Variants in GDPD5 observed in about 807,000 individuals in gnomAD.
GDPD5 encodes glycerophosphodiester phosphodiesterase 2.
In GDPD5, 48 loss-of-function variants were observed where a neutral mutation model predicts 75.1. The observed-to-expected ratio is 0.64, with a 90% confidence interval of 0.51 to 0.81. The LOEUF (loss-of-function observed/expected upper bound fraction) is 0.81. Ranked by LOEUF, GDPD5 falls within the 40% of genes least tolerant of loss-of-function variation. GDPD5 has a pLI of 0.00. For missense variants in GDPD5, 706 were observed against 822.6 expected (o/e 0.86, Z 1.73); for synonymous variants, 336 against 339.0 (o/e 0.99, Z 0.10).
chr11:75,464,328 G>C (rs1949474075), intron 3 of GDPD5, among the ~76,000 whole-genome samples: 1 of 152,226 alleles, frequency 6.6e-6, no homozygotes, highest in African/African-American at 2.4e-5. Flanking sequence ...GGGGTTGATG[G>C]AGAATTAAAT....
At chr11:75,484,522 A>G (rs1403777238) in intron 2 of GDPD5, among the ~76,000 whole-genome samples, 1 of 152,156 alleles carries the variant, frequency 6.6e-6, no homozygotes, top group Non-Finnish European at 1.5e-5. Context: ...CCAAACCTTG[A>G]TTGGTATGAG....
chr11:75,435,707 GGATGGGTGACA>G (rs1266835898), intron 16 of GDPD5, 52 bp from the exon 17 acceptor site: 1 of 1,544,236 alleles, frequency 6.5e-7, no homozygotes, highest in Admixed American at 1.8e-5. Flanking sequence ...GCAGTCGTGA[GGATGGGTGACA>G]GATGGGGCAG....
chr11:75,441,473 G>A (rs113035931), intron 13 of GDPD5, among the ~76,000 whole-genome samples, 163 bp from the exon 14 acceptor site: 4 of 152,268 alleles, frequency 2.6e-5, no homozygotes, highest in South Asian at 2.1e-4. Context: ...GGGTCTGCCC[G>A]ACACGCTCAC....
chr11:75,517,225 C>G (rs1950656408), intron 1 of GDPD5: 1 of 152,184 alleles, frequency 6.6e-6, no homozygotes, highest in African/African-American at 2.4e-5. Context: ...GAGGCTGAGG[C>G]AGGCGGATCA....
chr11:75,520,314 C>T (rs934756705), intron 1 of GDPD5, among the ~76,000 whole-genome samples: 2 of 152,200 alleles, frequency 1.3e-5, no homozygotes, highest in African/African-American at 2.4e-5. Context: ...GGACAGGCAC[C>T]CCACTTCCTT....
At chr11:75,509,001 G>A (rs1950460131) in intron 1 of GDPD5, 1 of 152,272 alleles carries the variant, frequency 6.6e-6, no homozygotes, top group African/African-American at 2.4e-5. Context: ...GAAGATCTTG[G>A]TCATCCCGAC....
intron 15 of GDPD5, chr11:75,439,254 C>T (rs748038710): frequency 7.2e-5 from 32 of 441,886 alleles, no homozygotes; most frequent in South Asian, 1.9e-4. Context: ...GCTTGGTGCA[C>T]GGTGGGTTTT....
Position 75,449,989 on chromosome 11 carries a change from G to C in GDPD5, c.376-6C>G, listed in dbSNP as rs767964319. ...AGGATGACCACCAGCCCGATCTGGAGGGGGAAGAGTCACCGGACAGAGGCT... is the reference window on the plus strand; with the variant it reads ...AGGATGACCACCAGCCCGATCTGGACGGGGAAGAGTCACCGGACAGAGGCT... On this transcript the variant is annotated splice_region_variant and splice_polypyrimidine_tract_variant and intron_variant, in intron 6 of 16. Transcript: ENST00000336898. 8.1e-6 allele frequency: 13 copies of C among 1,612,562 alleles called. No individual in the cohort carries two copies. The highest frequency in any genetic ancestry group is 2.7e-5 in the African/African-American group (2 of 74,916).
chr11:75,451,343 G>C (rs1408893092), intron 6 of GDPD5: 2 of 152,278 alleles, frequency 1.3e-5, no homozygotes, highest in Non-Finnish European at 2.9e-5. Context: ...CTGGGCCTGT[G>C]GGGGCGCTTC....
intron 6 of GDPD5, among the ~76,000 whole-genome samples, chr11:75,454,705 A>G (rs552982771): frequency 6.6e-6 from 1 of 152,380 alleles, no homozygotes; most frequent in African/African-American, 2.4e-5. Context: ...AGGGTGGAGT[A>G]GGCGACTGTT....
intron 3 of GDPD5, among the ~76,000 whole-genome samples, chr11:75,468,642 G>A (rs1949580299): frequency 6.6e-6 from 1 of 151,978 alleles, no homozygotes; most frequent in African/African-American, 2.4e-5. Flanking sequence ...TGGTGAGGCT[G>A]ACCTTCCAGG....
chr11:75,520,108 TG>T (rs761705298), intron 1 of GDPD5, among the ~76,000 whole-genome samples: 6 of 152,206 alleles, frequency 3.9e-5, no homozygotes, highest in Admixed American at 6.5e-5. Context: ...GGGAAGGTGG[TG>T]GGAACTGTGA....
chr11:75,467,609 G>T (rs1287798384), intron 3 of GDPD5, among the ~76,000 whole-genome samples: 1 of 152,078 alleles, frequency 6.6e-6, no homozygotes, highest in Non-Finnish European at 1.5e-5. Context: ...GCACCAGGAG[G>T]AGTGTGCTGG....
At chr11:75,474,627 G>A (rs1289764900) in intron 3 of GDPD5, among the ~76,000 whole-genome samples, 2 of 152,090 alleles carry the variant, frequency 1.3e-5, no homozygotes, top group Non-Finnish European at 1.5e-5. Flanking sequence ...GGGGGCAAAG[G>A]CTTGGAAGAG....
rs764783227 is a variant in GDPD5 at position 75,462,811 on chromosome 11, G to A, written c.196C>T (p.His66Tyr). 6.2e-7 allele frequency: 1 copy of A among 1,613,498 alleles called. No homozygotes were observed. The highest frequency in any genetic ancestry group is 1.1e-5 in the South Asian group (1 of 91,054). ...CAGTTGAATTCATCATAGTCATTGT[G>A]GACTTCCCACCAGAAGTAAAGCCAG... ...LTWLYFWWEV[H>Y]NDYDEFNWYL... Residue 66 changes from histidine to tyrosine, a missense_variant, in exon 4 of 17, where the codon CAC becomes TAC. Coordinates refer to ENST00000336898, the MANE Select transcript of GDPD5 (RefSeq NM_030792.8).
intron 3 of GDPD5, among the ~76,000 whole-genome samples, chr11:75,468,034 G>A (rs910618262): frequency 2.2e-4 from 33 of 152,120 alleles, no homozygotes; most frequent in African/African-American, 6.3e-4. Context: ...GACTGCAGCC[G>A]CAAACCCAGC....
intron 1 of GDPD5, among the ~76,000 whole-genome samples, chr11:75,512,989 T>C (rs1950560169): frequency 6.6e-6 from 1 of 152,202 alleles, no homozygotes; most frequent in Admixed American, 6.5e-5. Context: ...TCAACACATC[T>C]ATGCACAGGA....
intron 6 of GDPD5, 27 bp downstream of exon 6, chr11:75,456,729 TC>T: frequency 6.2e-7 from 1 of 1,613,382 alleles, no homozygotes; most frequent in Non-Finnish European, 8.5e-7. Flanking sequence ...CCTTGCTCTC[TC>T]CCAGCCCCGG....
rs187825018 is a variant in GDPD5, at chr11:75,504,763, C to T, written c.-144-14443G>A. On this transcript the variant is annotated intron_variant, in intron 1 of 16. Transcript: ENST00000336898. ...CAAGAATGTGAATATAGTTAACATA[C>T]GGAACTGTATTTAACATGGTTACGA... is the stretch of plus-strand genomic sequence containing the variant. Among the ~76,000 whole-genome samples the T allele has an allele frequency of 5.0e-3, 767 of 152,132 alleles. 4 individuals are homozygous for T. The highest frequency in any genetic ancestry group is 7.9e-3 in the Non-Finnish European group (536 of 68,008).
Sources: gnomAD v4.1 joint callset for allele counts (sites outside exome capture counted in the v4.1 genomes callset) on GRCh38, gnomAD v4.1.1 for gene constraint, MANE v1.5 for transcripts, NCBI Gene and HGNC (gene_info 2026-07-23, HGNC 2026-07-21) for gene names.